COL22A1: variants seen among roughly 807,000 people sequenced by gnomAD.
The protein encoded by COL22A1 is collagen type XXII alpha 1 chain.
COL22A1 carries 221 observed loss-of-function variants against 248.9 expected under a neutral mutation model. The ratio of observed to expected loss-of-function variants is 0.89; its 90% CI spans 0.80 to 0.99. COL22A1 has a LOEUF of 0.99. COL22A1 is among the 50% of genes least tolerant of loss of function. The pLI is 0.00. For missense variants in COL22A1, 2,240 were observed against 2,179.0 expected (o/e 1.03, Z -0.56); for synonymous variants, 891 against 793.4 (o/e 1.12, Z -2.07).
chr8:138,723,858 T>C lies in COL22A1; in HGVS notation c.2247+757A>G, dbSNP rs1830094595. Reference sequence around the variant, plus strand: ...GGGCGCCTTGATCCACATTCTCCCATGGATCTGTGCTCCATGGAGAAGTGG... The same window carrying C: ...GGGCGCCTTGATCCACATTCTCCCACGGATCTGTGCTCCATGGAGAAGTGG... On this transcript the variant is annotated intron_variant, in intron 25 of 64. Coordinates refer to ENST00000303045, the MANE Select transcript of COL22A1 (RefSeq NM_152888.3). Among the ~76,000 whole-genome samples, 8 of 152,290 alleles carry C rather than the reference T, an allele frequency of 5.3e-5. No individual in the cohort carries two copies. In the South Asian group the frequency reaches 1.7e-3, roughly 32 times the overall value.
intron 46 of COL22A1, among the ~76,000 whole-genome samples, chr8:138,649,116 C>T (rs1564141941): frequency 6.6e-6 from 1 of 152,228 alleles, no homozygotes; most frequent in African/African-American, 2.4e-5. Flanking sequence ...AAACTCCCTA[C>T]CTCTGTTTTG....
intron 12 of COL22A1, among the ~76,000 whole-genome samples, chr8:138,791,627 A>T (rs1022841016): frequency 2.0e-5 from 3 of 152,190 alleles, no homozygotes; most frequent in African/African-American, 7.2e-5. Flanking sequence ...CCGTGACTTC[A>T]GAACTCTCAG....
chr8:138,687,759 G>A (rs1034840291), intron 37 of COL22A1, among the ~76,000 whole-genome samples: 3 of 152,210 alleles, frequency 2.0e-5, no homozygotes, highest in African/African-American at 4.8e-5. Context: ...TTCAAAGAGA[G>A]TGTGCTTTAT....
chr8:138,649,848 G>A (rs1822541535), intron 45 of COL22A1, 70 bp from the exon 46 acceptor site: 1 of 963,768 alleles, frequency 1.0e-6, no homozygotes, highest in South Asian at 1.7e-5. Flanking sequence ...GCAAAGCAAA[G>A]TAGCCCTGGC....
intron 30 of COL22A1, among the ~76,000 whole-genome samples, chr8:138,708,558 T>C (rs1828683415): frequency 6.6e-6 from 1 of 152,212 alleles, no homozygotes; most frequent in Non-Finnish European, 1.5e-5. Context: ...ATTTAACAAA[T>C]GGTGCTGGGA....
chr8:138,615,350 G>T (rs893312721), intron 55 of COL22A1, among the ~76,000 whole-genome samples: 3 of 152,050 alleles, frequency 2.0e-5, no homozygotes, highest in African/African-American at 7.2e-5. Context: ...GACCAACAAG[G>T]TGAAACTCTG....
intron 1 of COL22A1, among the ~76,000 whole-genome samples, chr8:138,896,765 A>G (rs1272119622): frequency 6.6e-6 from 1 of 152,004 alleles, no homozygotes; most frequent in Non-Finnish European, 1.5e-5. Context: ...CTGAGGTCAG[A>G]AGTTCCAGAC....
intron 4 of COL22A1, among the ~76,000 whole-genome samples, chr8:138,835,074 C>G (rs1820329768): frequency 1.3e-5 from 2 of 152,140 alleles, no homozygotes; most frequent in Non-Finnish European, 2.9e-5. Flanking sequence ...CAGGTAGAGG[C>G]CTGCTCTGGC....
At chr8:138,822,224 G>A (rs1482206731) in intron 6 of COL22A1, among the ~76,000 whole-genome samples, 1 of 151,990 alleles carries the variant, frequency 6.6e-6, no homozygotes. Flanking sequence ...TAATTTTTGT[G>A]ATTTTAGTAG....
At chr8:138,897,551 GTAA>G (rs33953970) in intron 1 of COL22A1, among the ~76,000 whole-genome samples, 111,126 of 149,808 alleles carry the variant, frequency 0.74, 41,437 homozygotes, top group East Asian at 0.85. Context: ...CTGTCTCAAA[GTAA>G]TAATAATAAT....
chr8:138,903,064 T>C (rs186701830), intron 1 of COL22A1, among the ~76,000 whole-genome samples: 1 of 152,270 alleles, frequency 6.6e-6, no homozygotes, highest in Admixed American at 6.5e-5. Context: ...TCTCAAGGTC[T>C]GTAGCCACCC....
At chr8:138,607,907 C>A (rs374084627) in intron 57 of COL22A1, 29 bp downstream of exon 57, 88 of 1,609,606 alleles carry the variant, frequency 5.5e-5, no homozygotes, top group Non-Finnish European at 7.1e-5. Flanking sequence ...CACCCTGATG[C>A]CATCACATAG....
intron 56 of COL22A1, among the ~76,000 whole-genome samples, chr8:138,613,064 C>G (rs752569690): frequency 6.6e-6 from 1 of 150,664 alleles, no homozygotes. Context: ...CTGGCTAACA[C>G]AGTGAAACCC....
chr8:138,802,805 G>T, intron 11 of COL22A1, 67 bp downstream of exon 11: 2 of 1,239,368 alleles, frequency 1.6e-6, no homozygotes, highest in South Asian at 1.2e-5. Context: ...TTGCATGATC[G>T]GAGGGCCCTG....
chr8:138,729,492 G>C lies in COL22A1; in HGVS notation c.2140-4052C>G, dbSNP rs1478726616. ...TGATGCTGTACACTTCGGAAAGAGA[G>C]GGAAAGCCTACCCAGTCATTAAACC... On this transcript the variant is annotated intron_variant, in intron 23 of 64. Coordinates refer to ENST00000303045, the MANE Select transcript of COL22A1 (RefSeq NM_152888.3). 3.3e-5 allele frequency among the ~76,000 whole-genome samples: 5 copies of C among 152,314 alleles called. No individual in the cohort carries two copies. In the South Asian group the frequency reaches 1.0e-3, roughly 32 times the overall value.
At chr8:138,770,734 G>A (rs541578025) in intron 16 of COL22A1, among the ~76,000 whole-genome samples, 1 of 152,292 alleles carries the variant, frequency 6.6e-6, no homozygotes, top group Non-Finnish European at 1.5e-5. Flanking sequence ...CGCAACCCAG[G>A]CTCTTCCTTG....
intron 2 of COL22A1, among the ~76,000 whole-genome samples, chr8:138,879,320 T>C (rs1177132104): frequency 6.6e-6 from 1 of 152,142 alleles, no homozygotes; most frequent in Non-Finnish European, 1.5e-5. Context: ...ACTCAGCCCT[T>C]TAAAATCAGA....
rs1464224222 is a variant in COL22A1 at position 138,588,690 on chromosome 8, C to G, written c.*563G>C. 6.6e-6 allele frequency: 1 copy of G among 152,280 alleles called. No individual in the cohort carries two copies. The highest frequency in any genetic ancestry group is 6.5e-5 in the Admixed American group (1 of 15,286). The allele number at this position is 152,280 out of a possible 1,614,324, so 9.4% of individuals were successfully genotyped here. On this transcript the variant is annotated 3_prime_UTR_variant, in exon 65 of 65. Coordinates refer to ENST00000303045, the MANE Select transcript of COL22A1 (RefSeq NM_152888.3). Reference sequence around the variant, plus strand: ...GTCCCGTCGGGAGGTGGGAACATTCCTCATGGTTGCAAATTCTTTCTCTTT... The same window carrying G: ...GTCCCGTCGGGAGGTGGGAACATTCGTCATGGTTGCAAATTCTTTCTCTTT...
At chr8:138,602,750 C>T (rs1818131176) in intron 59 of COL22A1, among the ~76,000 whole-genome samples, 1 of 152,226 alleles carries the variant, frequency 6.6e-6, no homozygotes, top group South Asian at 2.1e-4. Flanking sequence ...AGGGACACGG[C>T]CCACAGTGCC....
Sources: gnomAD v4.1 joint callset for allele counts (sites outside exome capture counted in the v4.1 genomes callset) on GRCh38, gnomAD v4.1.1 for gene constraint, MANE v1.5 for transcripts, NCBI Gene and HGNC (gene_info 2026-07-23, HGNC 2026-07-21) for gene names.